GIPC2: variants seen among roughly 807,000 people sequenced by gnomAD.
GIPC2 encodes GIPC PDZ domain containing family member 2, also known as PDZ domain-containing protein GIPC2.
A neutral mutation model predicts 30.6 loss-of-function variants in GIPC2; 30 were observed. The observed-to-expected ratio is 0.98, with a 90% CI of 0.73 to 1.33. The LOEUF (loss-of-function observed/expected upper bound fraction) is 1.33, where lower values mean the gene tolerates loss of function less well. Among genes scored for constraint, GIPC2 ranks in the 40% most tolerant of loss-of-function variants. GIPC2 has a pLI of 0.00. For missense variants in GIPC2, 414 were observed against 390.3 expected, an observed-to-expected ratio of 1.06 and a Z score of -0.51; for synonymous variants, 167 against 150.0, an observed-to-expected ratio of 1.11 and a Z score of -0.83.
chr1:78,056,705 C>G (rs1048932955), intron 1 of GIPC2, among the ~76,000 whole-genome samples: 5 of 152,186 alleles, frequency 3.3e-5, no homozygotes, highest in Non-Finnish European at 7.3e-5. Context: ...ACACCTGTGT[C>G]AGGAGATAGA....
At chr1:78,084,090 C>T (rs964439954) in intron 2 of GIPC2, among the ~76,000 whole-genome samples, 1 of 151,950 alleles carries the variant, frequency 6.6e-6, no homozygotes, top group African/African-American at 2.4e-5. Flanking sequence ...GATTGATAGT[C>T]AAGTTCTGGT....
intron 3 of GIPC2, among the ~76,000 whole-genome samples, chr1:78,100,245 A>T (rs1348413159): frequency 6.6e-6 from 1 of 152,192 alleles, no homozygotes; most frequent in Non-Finnish European, 1.5e-5. Flanking sequence ...ATTTGTACAC[A>T]TCTCTTCCCA....
intron 1 of GIPC2, among the ~76,000 whole-genome samples, chr1:78,065,763 G>A (rs145193491): frequency 2.0e-5 from 3 of 152,150 alleles, no homozygotes; most frequent in Admixed American, 6.5e-5. Flanking sequence ...CAATTATCTG[G>A]TCCTTGACAT....
chr1:78,075,092 G>A (rs1240830043), intron 1 of GIPC2, among the ~76,000 whole-genome samples: 1 of 152,180 alleles, frequency 6.6e-6, no homozygotes, highest in Non-Finnish European at 1.5e-5. Context: ...CAGACAGCGT[G>A]TTTTCAGCTG....
Position 78,136,407 on chromosome 1 carries a change from A to C in GIPC2, c.*664A>C, listed in dbSNP as rs996613404. The C allele has an allele frequency of 2.6e-5, 4 of 152,212 alleles. No individual in the cohort carries two copies. Among genetic ancestry groups the C allele is most frequent in the African/African-American group, 9.7e-5 (4 of 41,414 alleles). 9.4% of individuals were successfully genotyped at this position (152,212 alleles called of 1,614,324 possible). ...CTGTGCTGTGTGTGTGTGTCTCTGC[A>C]TGTGTAAAAGAAGGGTAAAAAAGAG... On this transcript the variant is annotated 3_prime_UTR_variant, in exon 6 of 6. Transcript: ENST00000370759.
chr1:78,099,481 C>A (rs1280811424), intron 3 of GIPC2, among the ~76,000 whole-genome samples: 5 of 150,370 alleles, frequency 3.3e-5, no homozygotes, highest in South Asian at 2.1e-4. Context: ...CTCTGTTGCC[C>A]GGGATGGAGT....
Position 78,097,144 on chromosome 1 carries a change from G to A in GIPC2, c.607+2012G>A, listed in dbSNP as rs529248222. Among the ~76,000 whole-genome samples the A allele has an allele frequency of 2.6e-5, 4 of 152,250 alleles. No homozygotes were observed. In the East Asian group the frequency reaches 7.7e-4, roughly 29 times the overall value. Reference sequence around the variant, plus strand: ...GAGCATATATCAGGGGGTACTTGGGGAATCAGGCTTCCCCCAATTCTCTTG... The same window carrying A: ...GAGCATATATCAGGGGGTACTTGGGAAATCAGGCTTCCCCCAATTCTCTTG... On this transcript the variant is annotated intron_variant, in intron 3 of 5. Transcript: ENST00000370759.
intron 4 of GIPC2, among the ~76,000 whole-genome samples, chr1:78,121,218 A>G (rs1017610871): frequency 2.6e-5 from 4 of 152,150 alleles, no homozygotes; most frequent in African/African-American, 9.7e-5. Flanking sequence ...AAGGATTCCA[A>G]GTGGCAAGCA....
chr1:78,118,679 T>A (rs1256826687), intron 3 of GIPC2, among the ~76,000 whole-genome samples: 1 of 152,210 alleles, frequency 6.6e-6, no homozygotes, highest in African/African-American at 2.4e-5. Context: ...TGGACCCTAT[T>A]TCTGTTGGTA....
At chr1:78,049,256 G>A (rs1661152012) in intron 1 of GIPC2, among the ~76,000 whole-genome samples, 1 of 152,142 alleles carries the variant, frequency 6.6e-6, no homozygotes, top group Non-Finnish European at 1.5e-5. Flanking sequence ...CCACCTCCTG[G>A]GTTCAAGTGA....
chr1:78,078,817 A>ATG (rs1311513360), intron 1 of GIPC2, among the ~76,000 whole-genome samples: 13 of 148,570 alleles, frequency 8.8e-5, no homozygotes, highest in African/African-American at 3.2e-4. Context: ...CCCACTGTGA[A>ATG]TACCATGGAC....
At chr1:78,060,967 A>G (rs1234962138) in intron 1 of GIPC2, among the ~76,000 whole-genome samples, 1 of 152,028 alleles carries the variant, frequency 6.6e-6, no homozygotes, top group East Asian at 1.9e-4. Context: ...GTGGGAGAAG[A>G]ACAGGAGTAG....
intron 5 of GIPC2, among the ~76,000 whole-genome samples, chr1:78,135,169 T>C (rs1430974891): frequency 6.6e-6 from 1 of 152,170 alleles, no homozygotes; most frequent in Non-Finnish European, 1.5e-5. Context: ...CCATCTCAGT[T>C]GGCAGTGGGG....
intron 3 of GIPC2, among the ~76,000 whole-genome samples, chr1:78,105,565 C>T (rs1335590257): frequency 2.0e-5 from 3 of 152,126 alleles, no homozygotes; most frequent in South Asian, 4.1e-4. Flanking sequence ...GGATTACAGG[C>T]ATGAGCCACC....
intron 1 of GIPC2, among the ~76,000 whole-genome samples, chr1:78,070,454 G>A (rs189215618): frequency 4.6e-5 from 7 of 152,262 alleles, no homozygotes; most frequent in African/African-American, 1.7e-4. Flanking sequence ...GGCATGCAAT[G>A]TTGCAGCATT....
At chr1:78,115,037 G>A (rs910927350) in intron 3 of GIPC2, among the ~76,000 whole-genome samples, 1 of 152,164 alleles carries the variant, frequency 6.6e-6, no homozygotes, top group African/African-American at 2.4e-5. Flanking sequence ...AGTGTTGCAG[G>A]TAAGAGCAAG....
chr1:78,132,749 A>G (rs994625630), intron 5 of GIPC2, among the ~76,000 whole-genome samples: 7 of 149,380 alleles, frequency 4.7e-5, no homozygotes, highest in African/African-American at 7.4e-5. Context: ...CATCCTTGTC[A>G]TTGTCTCCCC....
intron 5 of GIPC2, 27 bp downstream of exon 5, chr1:78,125,989 T>C (rs1300415564): frequency 5.9e-6 from 6 of 1,018,890 alleles, no homozygotes; most frequent in Non-Finnish European, 9.3e-6. Context: ...TAAAAAAGTC[T>C]TATATCTCTT....
At chr1:78,052,432 T>C (rs757355151) in intron 1 of GIPC2, among the ~76,000 whole-genome samples, 4 of 152,320 alleles carry the variant, frequency 2.6e-5, no homozygotes, top group South Asian at 2.1e-4. Flanking sequence ...AAAATAGTTG[T>C]TGAATAAAAG....
Sources: allele counts gnomAD v4.1 joint callset (sites outside exome capture counted in the v4.1 genomes callset), GRCh38; gene constraint gnomAD v4.1.1; transcripts MANE v1.5; gene names NCBI Gene and HGNC (gene_info 2026-07-23, HGNC 2026-07-21).